Variants in THAP5 observed in about 807,000 individuals in gnomAD.
THAP5 encodes THAP domain-containing protein 5.
A neutral mutation model predicts 34.0 loss-of-function variants in THAP5; 26 were observed. The ratio of observed to expected loss-of-function variants is 0.77; its 90% CI spans 0.56 to 1.06. The LOEUF (loss-of-function observed/expected upper bound fraction) is 1.06. Among genes scored for constraint, THAP5 ranks in the 50% least tolerant of loss-of-function variants. The probability of loss-of-function intolerance (pLI) is 0.00; values close to 1 mark genes in which losing one functional copy is unlikely to be tolerated. For missense variants in THAP5, 394 were observed against 452.8 expected (o/e 0.87, Z 1.18); for synonymous variants, 125 against 153.0 (o/e 0.82, Z 1.35).
downstream of THAP5, among the ~76,000 whole-genome samples, chr7:108,550,900 C>G (rs1292308934): frequency 6.6e-6 from 1 of 152,166 alleles, no homozygotes; most frequent in African/African-American, 2.4e-5. Context: ...TCAGGGGACA[C>G]AATTCTTATT....
At chr7:108,560,538 A>T (rs1264187286), downstream of THAP5, among the ~76,000 whole-genome samples, 4 of 152,368 alleles carry the variant, frequency 2.6e-5, no homozygotes, top group East Asian at 7.7e-4. Context: ...TCTGGAATTT[A>T]AAAACCGAAT....
the THAP5 span, among the ~76,000 whole-genome samples, chr7:108,543,045 G>T: frequency 6.6e-5 from 10 of 152,038 alleles, no homozygotes; most frequent in Non-Finnish European, 1.5e-4. Context: ...GCCTGCCTGA[G>T]CCTCCCGAGT....
At chr7:108,544,536 A>C in the THAP5 span, among the ~76,000 whole-genome samples, 2 of 151,994 alleles carry the variant, frequency 1.3e-5, no homozygotes, top group South Asian at 2.1e-4. Flanking sequence ...ATCTCAAAAA[A>C]AAAACAAAAA....
At chr7:108,556,719 G>T (rs1864388276) in intron 1 of THAP5, among the ~76,000 whole-genome samples, 1 of 152,194 alleles carries the variant, frequency 6.6e-6, no homozygotes, top group Non-Finnish European at 1.5e-5. Context: ...GTGCATGGGG[G>T]AAGCTGTCAG....
rs1410563038 is a variant in THAP5 at position 108,563,715 on chromosome 7, T to C, written c.*476A>G. ...CCAACTTCTAGTATTACGTATATATTATCTTACAGAAAATGTGTTCTAATA... is the reference window on the plus strand; with the variant it reads ...CCAACTTCTAGTATTACGTATATATCATCTTACAGAAAATGTGTTCTAATA... On this transcript the variant is annotated 3_prime_UTR_variant, in exon 3 of 3. Coordinates refer to ENST00000415914, the MANE Select transcript of THAP5 (RefSeq NM_001130475.3). 6.5e-6 allele frequency: 1 copy of C among 152,862 alleles called. No homozygotes were observed. The highest frequency in any genetic ancestry group is 1.5e-5 in the Non-Finnish European group (1 of 68,530). 9.5% of individuals were successfully genotyped at this position (152,862 alleles called of 1,614,324 possible). A position where few individuals can be genotyped will look rare whatever the true frequency, so the allele number is the denominator to read the frequency against.
chr7:108,552,456 G>T (rs1864359588), downstream of THAP5, among the ~76,000 whole-genome samples: 2 of 152,246 alleles, frequency 1.3e-5, no homozygotes, highest in East Asian at 3.9e-4. Context: ...CCAAAATGTT[G>T]TTGTGTTTGC....
Position 108,564,779 on chromosome 7 carries a change from T to C in THAP5, c.600A>G (p.Leu200=). Reference sequence around the variant, plus strand: ...TTGTCAAAGTAATAGTTGTAGAATTTAGATTCTCAAAACATGTGTGAAAAC... The same window carrying C: ...TTGTCAAAGTAATAGTTGTAGAATTCAGATTCTCAAAACATGTGTGAAAAC... ...RGGFHTCFEN[L]NSTTITLTTS... The change falls in exon 3 of 3, where the codon CTA becomes CTG. Residue 200 remains leucine (L), a synonymous_variant. Transcript: ENST00000415914. The C allele has an allele frequency of 6.2e-7, 1 of 1,613,332 alleles. No homozygotes were observed. The highest frequency in any genetic ancestry group is 8.5e-7 in the Non-Finnish European group (1 of 1,179,422).
rs994085043 is a variant in THAP5, at chr7:108,569,611, G to A, written c.-42C>T. The A allele has an allele frequency of 7.8e-6, 12 of 1,547,646 alleles. No homozygotes were observed. The highest frequency in any genetic ancestry group is 2.0e-4 in the Middle Eastern group (1 of 4,898). On this transcript the variant is annotated 5_prime_UTR_variant, in exon 1 of 3. Transcript: ENST00000415914. ...CTGGAGACCGGGGCCGGCGACGGATGCAGGGCGGCCCTCCTCACTGAGGAT... is the reference window on the plus strand; with the variant it reads ...CTGGAGACCGGGGCCGGCGACGGATACAGGGCGGCCCTCCTCACTGAGGAT...
intron 1 of THAP5, among the ~76,000 whole-genome samples, chr7:108,567,070 A>AT (rs1193034753): frequency 3.9e-5 from 6 of 151,948 alleles, no homozygotes; most frequent in Non-Finnish European, 8.8e-5. Context: ...TAGTAGCATC[A>AT]TTTTTTCCCC....
At chr7:108,547,913 G>A in the THAP5 span, among the ~76,000 whole-genome samples, 1 of 152,094 alleles carries the variant, frequency 6.6e-6, no homozygotes, top group Non-Finnish European at 1.5e-5. Context: ...AAATTTTGAG[G>A]GGTAATTTAT....
chr7:108,545,158 A>G, the THAP5 span, among the ~76,000 whole-genome samples: 1 of 152,248 alleles, frequency 6.6e-6, no homozygotes, highest in African/African-American at 2.4e-5. Context: ...AAGAATGACA[A>G]AAACAGTTGG....
downstream of THAP5, among the ~76,000 whole-genome samples, chr7:108,560,494 T>C (rs933770228): frequency 1.3e-5 from 2 of 152,178 alleles, no homozygotes; most frequent in Admixed American, 6.5e-5. Context: ...CTTAAAAATA[T>C]ATGCAAGGTC....
the THAP5 span, among the ~76,000 whole-genome samples, chr7:108,543,073 C>T: frequency 2.0e-5 from 3 of 151,792 alleles, no homozygotes; most frequent in East Asian, 5.8e-4. Flanking sequence ...ATTACAGGTG[C>T]CTGTCACCAC....
intron 1 of THAP5, among the ~76,000 whole-genome samples, chr7:108,568,943 AAAC>A (rs1406302915): frequency 6.6e-6 from 1 of 152,210 alleles, no homozygotes; most frequent in Middle Eastern, 3.2e-3. Flanking sequence ...TAACAGAATA[AAAC>A]CTTGTTCTCC....
the THAP5 span, among the ~76,000 whole-genome samples, chr7:108,543,756 A>AT: frequency 5.0e-4 from 76 of 151,948 alleles, no homozygotes; most frequent in East Asian, 9.7e-3. Flanking sequence ...GGTTGGCCCT[A>AT]TTTTTTTTAT....
chr7:108,558,377 G>GTGTGTGTATATATATATATATATATATA (rs1401164750), downstream of THAP5, among the ~76,000 whole-genome samples: 35 of 62,920 alleles, frequency 5.6e-4, no homozygotes, highest in South Asian at 1.5e-3. Flanking sequence ...ATGTGTGTGT[G>GTGTGTGTATATATATATATATATATATA]TATGTATATA....
At chr7:108,543,854 A>G in the THAP5 span, among the ~76,000 whole-genome samples, 1 of 152,204 alleles carries the variant, frequency 6.6e-6, no homozygotes, top group African/African-American at 2.4e-5. Flanking sequence ...TGTATTGCAC[A>G]TCAGAAGTTA....
the THAP5 span, among the ~76,000 whole-genome samples, chr7:108,543,397 CA>C: frequency 6.6e-6 from 1 of 152,166 alleles, no homozygotes; most frequent in Non-Finnish European, 1.5e-5. Flanking sequence ...CCTAGAACAT[CA>C]AGCAAGTCAC....
chr7:108,560,649 T>G (rs1380114307), downstream of THAP5, among the ~76,000 whole-genome samples: 1 of 152,186 alleles, frequency 6.6e-6, no homozygotes, highest in Non-Finnish European at 1.5e-5. Context: ...GAGAGAGAGT[T>G]TGAAACAGAT....
Sources: allele counts gnomAD v4.1 joint callset (sites outside exome capture counted in the v4.1 genomes callset), GRCh38; gene constraint gnomAD v4.1.1; transcripts MANE v1.5; gene names NCBI Gene and HGNC (gene_info 2026-07-23, HGNC 2026-07-21).